The following SRRM1 variants were observed in gnomAD, a reference collection of about 807,000 sequenced individuals.
SRRM1 encodes serine/arginine repetitive matrix protein 1.
A neutral mutation model predicts 110.2 loss-of-function variants in SRRM1; 19 were observed. The observed-to-expected ratio is 0.17, with a 90% CI of 0.12 to 0.25. SRRM1 has a LOEUF of 0.25. SRRM1 is among the 10% of genes least tolerant of loss of function. The probability of loss-of-function intolerance (pLI) is 1.00; values close to 1 mark genes in which losing one functional copy is unlikely to be tolerated. For synonymous variants in SRRM1, 443 were observed against 414.9 expected, an observed-to-expected ratio of 1.07 and a Z score of -0.82; for missense variants, 918 against 1,145.8, an observed-to-expected ratio of 0.80 and a Z score of 2.87.
At chr1:24,668,882 A>G (rs964204411) in intron 13 of SRRM1, among the ~76,000 whole-genome samples, 5 of 152,226 alleles carry the variant, frequency 3.3e-5, no homozygotes, top group African/African-American at 1.2e-4. Flanking sequence ...ATTTTTGTTA[A>G]TCAAAATGTC....
intron 12 of SRRM1, among the ~76,000 whole-genome samples, chr1:24,664,215 C>CA (rs1406174839): frequency 6.6e-6 from 1 of 152,066 alleles, no homozygotes; most frequent in African/African-American, 2.4e-5. Context: ...AGGATGGTCT[C>CA]AAACTCCTAA....
In SRRM1 at chr1:24,655,079, G is replaced by A. The variant is rs768141906; in HGVS notation, c.1265G>A (p.Arg422His). 12 of 1,614,102 alleles carry A rather than the reference G, an allele frequency of 7.4e-6. No homozygotes were observed. Among genetic ancestry groups the A allele is most frequent in the East Asian group, 4.5e-5 (2 of 44,882 alleles). Reference protein sequence around the residue: ...RHSPTPQQSNRTRKSRVSVSP... With the variant: ...RHSPTPQQSNHTRKSRVSVSP... ...TCCCCTACACCCCAGCAGTCAAACC[G>A]TACAAGAAAAAGTCGTGTTTCTGTG... is the stretch of plus-strand genomic sequence containing the variant. The change falls in exon 9 of 17, where the codon CGT (arginine) becomes CAT (histidine). Residue 422 changes from arginine (R) to histidine (H), a missense_variant. By Grantham distance (29) the Arg-to-His change is conservative. Transcript: ENST00000323848.
intron 9 of SRRM1, among the ~76,000 whole-genome samples, chr1:24,659,891 T>C (rs1053030186): frequency 6.6e-6 from 1 of 152,238 alleles, no homozygotes; most frequent in Non-Finnish European, 1.5e-5. Flanking sequence ...TTTTTTTCTT[T>C]CTAGCTCTTT....
intron 14 of SRRM1, 43 bp from the exon 15 acceptor site, chr1:24,670,077 G>A (rs1053593836): frequency 1.3e-6 from 2 of 1,494,628 alleles, no homozygotes; most frequent in African/African-American, 1.4e-5. Flanking sequence ...TGTGAAGAGA[G>A]ATGGCTGTTC....
intron 15 of SRRM1, 145 bp downstream of exon 15, chr1:24,670,460 T>TA: frequency 1.2e-6 from 1 of 860,226 alleles, no homozygotes; most frequent in Non-Finnish European, 1.8e-6. Context: ...CTTGGGCAGG[T>TA]TTCTGTATTG....
intron 10 of SRRM1, 23 bp downstream of exon 10, chr1:24,660,822 T>G (rs1471163631): frequency 6.6e-7 from 1 of 1,509,348 alleles, no homozygotes; most frequent in East Asian, 2.3e-5. Flanking sequence ...TTTTTTTTTG[T>G]GATTTTGGTT....
At chr1:24,660,250 T>G (rs1557705658) in intron 9 of SRRM1, among the ~76,000 whole-genome samples, 1 of 152,190 alleles carries the variant, frequency 6.6e-6, no homozygotes, top group South Asian at 2.1e-4. Flanking sequence ...ACACAGAGGT[T>G]TACTTTACTG....
At chr1:24,668,217 C>T (rs1351531557) in intron 13 of SRRM1, among the ~76,000 whole-genome samples, 1 of 152,076 alleles carries the variant, frequency 6.6e-6, no homozygotes, top group African/African-American at 2.4e-5. Context: ...GGTGATCCGC[C>T]TCAGCCTCCC....
chr1:24,653,899 G>T (rs917902042), intron 8 of SRRM1, among the ~76,000 whole-genome samples: 3 of 152,132 alleles, frequency 2.0e-5, no homozygotes, highest in Admixed American at 6.6e-5. Context: ...AATAAAGAGG[G>T]GAAAAATCAA....
chr1:24,652,407 A>C (rs760019176), intron 6 of SRRM1, 27 bp from the exon 7 acceptor site: 1 of 1,500,014 alleles, frequency 6.7e-7, no homozygotes, highest in African/African-American at 1.4e-5. Context: ...AAGGCAAAAA[A>C]AAAAAAAAAA....
intron 6 of SRRM1, among the ~76,000 whole-genome samples, chr1:24,652,231 A>G (rs911921925): frequency 2.7e-5 from 4 of 150,830 alleles, no homozygotes; most frequent in Admixed American, 6.6e-5. Context: ...AGAAGAAGAA[A>G]AGAAAATGTA....
chr1:24,644,687 A>G (rs1656282275), intron 1 of SRRM1, among the ~76,000 whole-genome samples: 1 of 152,236 alleles, frequency 6.6e-6, no homozygotes, highest in Non-Finnish European at 1.5e-5. Context: ...AGATTAGCGT[A>G]TCGAATTTGC....
intron 1 of SRRM1, among the ~76,000 whole-genome samples, chr1:24,644,581 C>T (rs1161262610): frequency 1.3e-5 from 2 of 152,132 alleles, no homozygotes; most frequent in African/African-American, 2.4e-5. Context: ...ACGAGTTTTT[C>T]GTCATGTTAG....
rs115962149 is a variant in SRRM1 at position 24,664,529 on chromosome 1, T to G, written c.1628+1725T>G. Among the ~76,000 whole-genome samples, 963 of 152,324 alleles carry G rather than the reference T, an allele frequency of 6.3e-3. 9 individuals carry two copies. The highest frequency in any genetic ancestry group is 0.02 in the African/African-American group (837 of 41,578). ...CTGCTTTTGGGGCCTTAGCTGCCAC[T>G]GAATTTTGAAGTATTTATCCTTGCT... On this transcript the variant is annotated intron_variant, in intron 12 of 16. Coordinates refer to ENST00000323848, the MANE Select transcript of SRRM1 (RefSeq NM_005839.4).
chr1:24,650,867 C>G (rs529443883), intron 5 of SRRM1, among the ~76,000 whole-genome samples: 1 of 152,200 alleles, frequency 6.6e-6, no homozygotes, highest in East Asian at 1.9e-4. Context: ...AGAGAAAAAC[C>G]CTTCGAGTTA....
Position 24,671,529 on chromosome 1 carries a change from A to G in SRRM1, c.2544A>G (p.Ala848=). 3.7e-6 allele frequency: 6 copies of G among 1,609,356 alleles called. No homozygotes were observed. The highest frequency in any genetic ancestry group is 5.1e-6 in the Non-Finnish European group (6 of 1,178,828). ...CTGCTGCAGCTGCTGTGACCCCTGCAGCCATTGCAGCTGCCACAACCACAT... is the reference window on the plus strand; with the variant it reads ...CTGCTGCAGCTGCTGTGACCCCTGCGGCCATTGCAGCTGCCACAACCACAT... The part of the protein sequence containing the change: ...AAAAAAAVTP[A]AIAAATTTLA... Residue 848 remains alanine, a synonymous_variant, in exon 16 of 17, where the codon GCA becomes GCG. Coordinates refer to ENST00000323848, the MANE Select transcript of SRRM1 (RefSeq NM_005839.4).
At chr1:24,647,403 A>G (rs1271826878) in intron 3 of SRRM1, 3 of 152,500 alleles carry the variant, frequency 2.0e-5, no homozygotes, top group Non-Finnish European at 4.4e-5. Context: ...GCTGCATGTC[A>G]GCTAGTCATC....
At chr1:24,653,088 C>G (rs907367883) in intron 8 of SRRM1, 56 bp downstream of exon 8, 4 of 1,538,100 alleles carry the variant, frequency 2.6e-6, no homozygotes, top group Non-Finnish European at 2.6e-6. Flanking sequence ...GATAATCTTT[C>G]TTTTAGGATA....
At chr1:24,652,702 A>G (rs1437856886) in intron 7 of SRRM1, 74 bp downstream of exon 7, 2 of 1,401,634 alleles carry the variant, frequency 1.4e-6, no homozygotes, top group African/African-American at 1.4e-5. Flanking sequence ...TTAGATAAAT[A>G]ATTTCAAAGT....
Sources: gnomAD v4.1 joint callset for allele counts (sites outside exome capture counted in the v4.1 genomes callset) on GRCh38, gnomAD v4.1.1 for gene constraint, MANE v1.5 for transcripts, NCBI Gene and HGNC (gene_info 2026-07-23, HGNC 2026-07-21) for gene names.